The following PACRG variants were observed in gnomAD, a reference collection of about 807,000 sequenced individuals.
PACRG encodes the protein parkin coregulated gene protein.
PACRG carries 29 observed loss-of-function variants against 29.7 expected under a neutral mutation model. The observed-to-expected ratio is 0.98, with a 90% confidence interval of 0.73 to 1.33. PACRG has a LOEUF of 1.33. Ranked by LOEUF, PACRG falls within the 40% of genes most tolerant of loss-of-function variation. The pLI, the probability that PACRG is intolerant of heterozygous loss-of-function variation, is 0.00. For synonymous variants in PACRG, 116 were observed against 118.7 expected (o/e 0.98, Z 0.15); for missense variants, 279 against 316.2 (o/e 0.88, Z 0.89).
intron 4 of PACRG, among the ~76,000 whole-genome samples, chr6:163,264,324 C>T (rs1241060503): frequency 3.3e-5 from 5 of 152,168 alleles, no homozygotes; most frequent in Admixed American, 3.3e-4. Flanking sequence ...CCTGCTTATC[C>T]AGAGGAGACC....
intron 4 of PACRG, among the ~76,000 whole-genome samples, chr6:163,189,104 C>T (rs989238189): frequency 1.3e-5 from 2 of 152,124 alleles, no homozygotes; most frequent in African/African-American, 2.4e-5. Context: ...GGAAAGATTT[C>T]GCAAAAACAA....
intron 2 of PACRG, among the ~76,000 whole-genome samples, chr6:162,892,595 C>G (rs1794846502): frequency 6.6e-6 from 1 of 152,146 alleles, no homozygotes; most frequent in African/African-American, 2.4e-5. Flanking sequence ...CTGATGCGAC[C>G]ACCTGGATGC....
chr6:163,106,176 C>T (rs1286971003), intron 4 of PACRG, among the ~76,000 whole-genome samples: 1 of 152,050 alleles, frequency 6.6e-6, no homozygotes, highest in African/African-American at 2.4e-5. Flanking sequence ...AACTGTCAAT[C>T]AGTTAGTAAA....
At chr6:163,030,019 G>A (rs1420578367) in intron 2 of PACRG, among the ~76,000 whole-genome samples, 2 of 152,144 alleles carry the variant, frequency 1.3e-5, no homozygotes, top group African/African-American at 4.8e-5. Flanking sequence ...CATACAATGA[G>A]GAGGAAAATT....
At chr6:163,283,519 G>C (rs1193673608) in intron 4 of PACRG, among the ~76,000 whole-genome samples, 7 of 152,172 alleles carry the variant, frequency 4.6e-5, no homozygotes, top group South Asian at 2.1e-4. Flanking sequence ...ACAAATTTAG[G>C]GCCGGGCGCG....
At chr6:163,097,871 G>A (rs111278746) in intron 4 of PACRG, among the ~76,000 whole-genome samples, 2 of 152,164 alleles carry the variant, frequency 1.3e-5, no homozygotes, top group African/African-American at 2.4e-5. Flanking sequence ...TAGACTCTCC[G>A]TAAATCTCTT....
intron 1 of PACRG, among the ~76,000 whole-genome samples, chr6:162,781,880 CA>C (rs35641289): frequency 0.084 from 12,614 of 150,150 alleles, 659 homozygotes; most frequent in Middle Eastern, 0.17. Context: ...GAAACAAAAA[CA>C]AAAAAAAGCA....
chr6:163,041,012 T>C (rs1382129312), intron 2 of PACRG, among the ~76,000 whole-genome samples: 1 of 152,152 alleles, frequency 6.6e-6, no homozygotes, highest in Non-Finnish European at 1.5e-5. Context: ...TTCGGCTCTG[T>C]GTCCTCACCC....
At chr6:162,781,748 G>T (rs1046601215) in intron 1 of PACRG, among the ~76,000 whole-genome samples, 5 of 151,056 alleles carry the variant, frequency 3.3e-5, no homozygotes, top group African/African-American at 1.2e-4. Flanking sequence ...AGTGAACCGC[G>T]AAAATAACCA....
chr6:162,756,835 T>C lies in PACRG; in HGVS notation c.156+28444T>C, dbSNP rs113801230. Among the ~76,000 whole-genome samples, 11 of 152,292 alleles carry C rather than the reference T, an allele frequency of 7.2e-5. No individual in the cohort carries two copies. In the East Asian group the frequency reaches 7.7e-4, roughly 11 times the overall value. Reference sequence around the variant, plus strand: ...TATTCTATTTGCTTCGTAGTCACCATGAGACTTACATAAATATCTTTTCCT... The same window carrying C: ...TATTCTATTTGCTTCGTAGTCACCACGAGACTTACATAAATATCTTTTCCT... On this transcript the variant is annotated intron_variant, in intron 1 of 4. Transcript: ENST00000366888.
At chr6:163,046,285 T>G (rs992547449) in intron 2 of PACRG, among the ~76,000 whole-genome samples, 8 of 148,174 alleles carry the variant, frequency 5.4e-5, no homozygotes, top group African/African-American at 1.7e-4. Flanking sequence ...CAGCCCATAA[T>G]GATCTCTCCT....
At chr6:163,098,129 G>C (rs1013524752) in intron 4 of PACRG, among the ~76,000 whole-genome samples, 1 of 152,188 alleles carries the variant, frequency 6.6e-6, no homozygotes, top group Admixed American at 6.5e-5. Context: ...TTTATGGTTT[G>C]TGGGGTGTGA....
rs398003265 is a variant in PACRG at position 163,177,710 on chromosome 6, ATTTTTTTTTTTT to A, written c.613+88318_613+88329del. Among the ~76,000 whole-genome samples, 11 of 53,748 alleles carry A rather than the reference ATTTTTTTTTTTT, an allele frequency of 2.0e-4. No individual in the cohort carries two copies. In the East Asian group the frequency reaches 4.3e-3, roughly 21 times the overall value. The allele number at this position is 53,748 out of a possible 152,430, so 35.3% of individuals were successfully genotyped here. On this transcript the variant is annotated intron_variant, in intron 4 of 4. Transcript: ENST00000366888. ...TGTTAGCTAAGAAATTAGAAAAGGGATTTTTTTTTTTTTTTTTTTTTTTTTTTGCGGGTGGGA... is the reference window on the plus strand; with the variant it reads ...TGTTAGCTAAGAAATTAGAAAAGGGATTTTTTTTTTTTTTTGCGGGTGGGA...
intron 4 of PACRG, among the ~76,000 whole-genome samples, chr6:163,209,853 T>A (rs911938981): frequency 6.6e-6 from 1 of 152,184 alleles, no homozygotes; most frequent in Non-Finnish European, 1.5e-5. Context: ...ATTCTTTCTT[T>A]TAAAGAAAGA....
chr6:163,163,525 G>T (rs1476102978), intron 4 of PACRG, among the ~76,000 whole-genome samples: 1 of 152,188 alleles, frequency 6.6e-6, no homozygotes, highest in African/African-American at 2.4e-5. Context: ...GCCTGCCTCG[G>T]CCTCACAAAG....
chr6:162,861,749 C>A (rs1232818701), intron 2 of PACRG, among the ~76,000 whole-genome samples: 1 of 152,160 alleles, frequency 6.6e-6, no homozygotes, highest in Non-Finnish European at 1.5e-5. Context: ...TTGGATAAAT[C>A]TTTTACTGAA....
At chr6:162,931,055 G>A (rs572407277) in intron 2 of PACRG, among the ~76,000 whole-genome samples, 3 of 151,718 alleles carry the variant, frequency 2.0e-5, no homozygotes, top group East Asian at 3.9e-4. Context: ...TTGTGTCCTT[G>A]TCTGATTTTG....
chr6:162,923,334 A>G (rs548680928), intron 2 of PACRG, among the ~76,000 whole-genome samples: 9 of 151,696 alleles, frequency 5.9e-5, no homozygotes, highest in African/African-American at 1.4e-4. Flanking sequence ...TTGTCTCTTC[A>G]CTCTATTGAC....
intron 3 of PACRG, among the ~76,000 whole-genome samples, chr6:163,064,656 A>C (rs552830372): frequency 1.3e-5 from 2 of 152,308 alleles, no homozygotes; most frequent in Admixed American, 1.3e-4. Flanking sequence ...TATGTGCATA[A>C]AGAAAATCTT....
Sources: gnomAD v4.1 joint callset for allele counts (sites outside exome capture counted in the v4.1 genomes callset) on GRCh38, gnomAD v4.1.1 for gene constraint, MANE v1.5 for transcripts, NCBI Gene and HGNC (gene_info 2026-07-23, HGNC 2026-07-21) for gene names.